CTBP2: variants seen among roughly 807,000 people sequenced by gnomAD.
The protein encoded by CTBP2 is C-terminal-binding protein 2.
In CTBP2, 30 loss-of-function variants were observed where a neutral mutation model predicts 80.3. That is an observed-to-expected ratio of 0.37 (90% CI 0.28 to 0.51). The LOEUF (loss-of-function observed/expected upper bound fraction) is 0.51. CTBP2 is among the 20% of genes least tolerant of loss of function. CTBP2 has a pLI of 0.93. For synonymous variants in CTBP2, 594 were observed against 587.4 expected (o/e 1.01, Z -0.16); for missense variants, 1,212 against 1,375.3 (o/e 0.88, Z 1.88).
intron 2 of CTBP2, among the ~76,000 whole-genome samples, chr10:125,084,849 C>T (rs1847742088): frequency 6.6e-6 from 1 of 152,174 alleles, no homozygotes; most frequent in African/African-American, 2.4e-5. Context: ...CCCAAGTCTG[C>T]CCCCAAAGGT....
intron 1 of CTBP2, among the ~76,000 whole-genome samples, chr10:125,015,757 G>T (rs74163307): frequency 6.6e-6 from 1 of 152,210 alleles, no homozygotes; most frequent in African/African-American, 2.4e-5. Context: ...CAACAGAAGG[G>T]GATGTTTGAG....
Position 125,027,437 on chromosome 10 carries a change from C to T in CTBP2, c.323G>A (p.Arg108Gln), listed in dbSNP as rs369168966. ...TCCAGACGGATCACTGTAGTACTCC[C>T]GTGGCAGCAGGGGGCTGCGACCAGA... Residue 108 changes from arginine to glutamine, a missense_variant, in exon 1 of 9, where the codon CGG becomes CAG. By Grantham distance (43) the Arg-to-Gln change is conservative. Around this residue, in one of 3 missense-constraint regions of CTBP2, gnomAD observed 848 missense variants for 782.3 expected, o/e 1.08. Coordinates refer to ENST00000309035, the MANE Select transcript of CTBP2 (RefSeq NM_022802.3). 17 of 1,614,116 alleles carry T rather than the reference C, an allele frequency of 1.1e-5. No individual in the cohort carries two copies. The highest frequency in any genetic ancestry group is 6.6e-5 in the South Asian group (6 of 91,084).
At chr10:125,162,251 T>G (rs1861940660), upstream of CTBP2, 1 of 152,320 alleles carries the variant, frequency 6.6e-6, no homozygotes, top group Admixed American at 6.5e-5. Flanking sequence ...GGGACCGCCA[T>G]TCCGCGAACC....
chr10:125,069,537 C>G (rs1414334603), intron 2 of CTBP2, among the ~76,000 whole-genome samples: 2 of 152,166 alleles, frequency 1.3e-5, no homozygotes, highest in African/African-American at 2.4e-5. Context: ...AGAACTGCCA[C>G]GAACCCAGGA....
intron 2 of CTBP2, among the ~76,000 whole-genome samples, chr10:125,052,449 T>C (rs887118062): frequency 2.0e-5 from 3 of 152,292 alleles, no homozygotes; most frequent in Admixed American, 1.3e-4. Context: ...GGAGGGAATG[T>C]TCTAACCTTA....
chr10:125,095,684 C>T (rs1415742494), intron 2 of CTBP2, among the ~76,000 whole-genome samples: 1 of 152,182 alleles, frequency 6.6e-6, no homozygotes, highest in Non-Finnish European at 1.5e-5. Flanking sequence ...TCGATGTTGG[C>T]AGATGTTTTG....
intron 1 of CTBP2, among the ~76,000 whole-genome samples, chr10:125,140,532 A>T (rs1156512012): frequency 6.6e-6 from 1 of 152,234 alleles, no homozygotes; most frequent in Non-Finnish European, 1.5e-5. Context: ...GAAAGAAAAT[A>T]ATATCAAGGG....
chr10:125,063,584 G>GT (rs1250038887), intron 2 of CTBP2, among the ~76,000 whole-genome samples: 2 of 152,162 alleles, frequency 1.3e-5, no homozygotes, highest in Admixed American at 6.5e-5. Flanking sequence ...CCCTACAGTA[G>GT]TAAAAATTAA....
At position 125,037,284 on chromosome 10, in the gene CTBP2, AG is replaced by A. The variant is rs1390268176; in HGVS notation, c.58+1712del. 2.0e-5 allele frequency among the ~76,000 whole-genome samples: 3 copies of A among 152,354 alleles called. No individual in the cohort carries two copies. The East Asian group carries it at 5.8e-4, about 29-fold the overall frequency. On this transcript the variant is annotated intron_variant, in intron 3 of 10. Transcript: ENST00000337195. ...TTTATACAGCCATGGAAACACACAG[AG>A]GAAACGCTGCTAGCTCTTCAATCCC...
At chr10:125,053,376 G>C (rs1963217405) in intron 2 of CTBP2, among the ~76,000 whole-genome samples, 1 of 152,224 alleles carries the variant, frequency 6.6e-6, no homozygotes, top group Admixed American at 6.5e-5. Context: ...CAGAGAGCAA[G>C]AGGACACAGT....
chr10:125,012,953 C>T (rs182470946), intron 1 of CTBP2, among the ~76,000 whole-genome samples: 124 of 152,340 alleles, frequency 8.1e-4, no homozygotes, highest in Non-Finnish European at 1.4e-3. Flanking sequence ...TGAACTCAGT[C>T]GTCAAAACCA....
At chr10:125,003,218 G>A (rs2134274888) in intron 2 of CTBP2, 114 bp from the exon 5 acceptor site, 3 of 1,582,856 alleles carry the variant, frequency 1.9e-6, no homozygotes, top group Non-Finnish European at 2.6e-6. Context: ...GAGTTCAGCA[G>A]GAAAGCAGGG....
chr10:125,008,336 C>G (rs1035986768), intron 1 of CTBP2, among the ~76,000 whole-genome samples: 12 of 152,212 alleles, frequency 7.9e-5, no homozygotes, highest in Non-Finnish European at 1.2e-4. Context: ...CTGAGTCACT[C>G]CCTGTTCCTG....
At chr10:125,079,957 G>C (rs1420403848) in intron 2 of CTBP2, among the ~76,000 whole-genome samples, 2 of 152,262 alleles carry the variant, frequency 1.3e-5, no homozygotes, top group East Asian at 3.9e-4. Context: ...TTTAAACAGA[G>C]TCGGCTCACC....
chr10:125,157,785 C>T (rs1327497677), intron 1 of CTBP2, among the ~76,000 whole-genome samples: 1 of 152,204 alleles, frequency 6.6e-6, no homozygotes, highest in African/African-American at 2.4e-5. Flanking sequence ...TCACGGCTAA[C>T]ATCCAACTTC....
intron 2 of CTBP2, among the ~76,000 whole-genome samples, chr10:125,087,678 A>G (rs952180871): frequency 2.6e-5 from 4 of 152,178 alleles, no homozygotes; most frequent in Admixed American, 2.6e-4. Context: ...AGTGTGCTGA[A>G]TAACTCAGCT....
In CTBP2 at chr10:124,989,244, T is replaced by C. The variant is rs1163458581; in HGVS notation, c.*274A>G. ...GACTGATAAAGGAAAAAGCTCTATT[T>C]ATTCTTTTTGTGATTTGATGCACAG... On this transcript the variant is annotated 3_prime_UTR_variant, in exon 9 of 9. Coordinates refer to ENST00000309035, the MANE Select transcript of CTBP2 (RefSeq NM_022802.3). 4.4e-6 allele frequency: 2 copies of C among 455,036 alleles called. No individual in the cohort carries two copies. The highest frequency in any genetic ancestry group is 8.0e-6 in the Non-Finnish European group (2 of 248,938). 28.2% of individuals were successfully genotyped at this position (455,036 alleles called of 1,614,324 possible). A position where few individuals can be genotyped will look rare whatever the true frequency, so the allele number is the denominator to read the frequency against.
intron 2 of CTBP2, among the ~76,000 whole-genome samples, chr10:125,084,803 C>T (rs373033400): frequency 4.4e-4 from 67 of 152,302 alleles, no homozygotes; most frequent in African/African-American, 1.4e-3. Context: ...CCCACCAAGA[C>T]GCCTTGAGAT....
chr10:125,054,241 G>C (rs1023495480), intron 2 of CTBP2, among the ~76,000 whole-genome samples: 3 of 152,194 alleles, frequency 2.0e-5, no homozygotes, highest in African/African-American at 7.2e-5. Context: ...TACAAGCTCT[G>C]CTTCTAAACA....
Sources: gnomAD v4.1 joint callset for allele counts (sites outside exome capture counted in the v4.1 genomes callset) on GRCh38, gnomAD v4.1.1 for gene constraint, gnomAD v4.1.1 regional missense constraint, MANE v1.5 for transcripts, NCBI Gene and HGNC (gene_info 2026-07-23, HGNC 2026-07-21) for gene names.